PRKCE: variants seen among roughly 807,000 people sequenced by gnomAD.
PRKCE encodes the protein protein kinase C epsilon type.
In PRKCE, 16 loss-of-function variants were observed where a neutral mutation model predicts 85.4. That is an observed-to-expected ratio of 0.19 (90% CI 0.13 to 0.28). PRKCE has a LOEUF of 0.28. Among genes scored for constraint, PRKCE ranks in the 10% least tolerant of loss-of-function variants. The pLI is 1.00. For missense variants in PRKCE, 573 were observed against 975.2 expected, an observed-to-expected ratio of 0.59 and a Z score of 5.49; for synonymous variants, 388 against 371.5, an observed-to-expected ratio of 1.04 and a Z score of -0.51.
At chr2:46,062,255 C>T (rs1209624184) in intron 10 of PRKCE, among the ~76,000 whole-genome samples, 1 of 152,150 alleles carries the variant, frequency 6.6e-6, no homozygotes, top group Non-Finnish European at 1.5e-5. Flanking sequence ...TAGACATGTC[C>T]CCTACTCTTT....
At chr2:45,696,221 A>T (rs1042166188) in intron 1 of PRKCE, among the ~76,000 whole-genome samples, 1 of 151,778 alleles carries the variant, frequency 6.6e-6, no homozygotes, top group African/African-American at 2.4e-5. Context: ...CTCCCAAAGC[A>T]ATGGGCCTAT....
intron 2 of PRKCE, among the ~76,000 whole-genome samples, chr2:45,860,381 T>C (rs1470149717): frequency 6.6e-6 from 1 of 151,786 alleles, no homozygotes; most frequent in Non-Finnish European, 1.5e-5. Context: ...ATGGGTGGAG[T>C]CAGAGGAAGG....
chr2:45,782,405 C>G (rs572731141), intron 1 of PRKCE, among the ~76,000 whole-genome samples: 1 of 152,220 alleles, frequency 6.6e-6, no homozygotes, highest in East Asian at 1.9e-4. Context: ...TTAGTCACTT[C>G]GATTCTGATC....
At chr2:45,794,612 G>A (rs4952776) in intron 1 of PRKCE, among the ~76,000 whole-genome samples, 47,306 of 152,004 alleles carry the variant, frequency 0.31, 8,386 homozygotes, top group South Asian at 0.46. Flanking sequence ...CATGGATCTC[G>A]CCTGACAGCC....
At chr2:45,999,055 TTACAC>T (rs1704453959) in intron 6 of PRKCE, among the ~76,000 whole-genome samples, 1 of 152,188 alleles carries the variant, frequency 6.6e-6, no homozygotes, top group Non-Finnish European at 1.5e-5. Context: ...AATACTATAA[TTACAC>T]ATAATCAGCA....
chr2:45,719,950 A>G (rs1680476934), intron 1 of PRKCE, among the ~76,000 whole-genome samples: 1 of 152,218 alleles, frequency 6.6e-6, no homozygotes, highest in African/African-American at 2.4e-5. Context: ...CGACAACAAC[A>G]ACAAAATAAC....
Position 46,096,219 on chromosome 2 carries a change from G to T in PRKCE, c.1592+9857G>T, listed in dbSNP as rs116426421. 7.2e-3 allele frequency among the ~76,000 whole-genome samples: 1,095 copies of T among 152,338 alleles called. 14 individuals are homozygous for T. Among genetic ancestry groups the T allele is most frequent in the African/African-American group, 0.025 (1,029 of 41,566 alleles). The stretch of plus-strand genomic sequence containing the variant: ...AACTGTTTGAAATGCAGTTTTCTCA[G>T]TGTTCCATGGGAATTATAATGCAAA... On this transcript the variant is annotated intron_variant, in intron 11 of 14. Coordinates refer to ENST00000306156, the MANE Select transcript of PRKCE (RefSeq NM_005400.3).
At chr2:45,849,480 G>A (rs1407638513) in intron 2 of PRKCE, among the ~76,000 whole-genome samples, 7 of 152,036 alleles carry the variant, frequency 4.6e-5, no homozygotes, top group African/African-American at 1.7e-4. Flanking sequence ...ATACTCCCAC[G>A]CTTTCTCTTT....
chr2:45,755,786 G>T (rs884399), intron 1 of PRKCE, among the ~76,000 whole-genome samples: 43,027 of 152,070 alleles, frequency 0.28, 6,613 homozygotes, highest in East Asian at 0.39. Context: ...AAGGCTGCTG[G>T]GCTTAGTGAG....
At chr2:45,975,184 C>G (rs1253512272) in intron 2 of PRKCE, among the ~76,000 whole-genome samples, 1 of 152,162 alleles carries the variant, frequency 6.6e-6, no homozygotes, top group Admixed American at 6.5e-5. Context: ...CAGTACCCTT[C>G]AAGTGGAGTT....
At chr2:45,686,310 C>G (rs979506065) in intron 1 of PRKCE, 1 of 152,158 alleles carries the variant, frequency 6.6e-6, no homozygotes, top group African/African-American at 2.4e-5. Flanking sequence ...GAATACAGAG[C>G]TAACAAGATT....
At chr2:45,827,932 A>G (rs1304259217) in intron 1 of PRKCE, among the ~76,000 whole-genome samples, 1 of 152,182 alleles carries the variant, frequency 6.6e-6, no homozygotes, top group Non-Finnish European at 1.5e-5. Context: ...GAGCACCAGC[A>G]TTTTTCTTTT....
chr2:45,821,610 G>A (rs1689537810), intron 1 of PRKCE, among the ~76,000 whole-genome samples: 1 of 152,144 alleles, frequency 6.6e-6, no homozygotes, highest in African/African-American at 2.4e-5. Flanking sequence ...CCAGCATGAG[G>A]CTGATTTGGG....
rs539615977 is a variant in PRKCE at position 46,122,018 on chromosome 2, G to A, written c.1593-23075G>A. Among the ~76,000 whole-genome samples the A allele has an allele frequency of 8.6e-5, 13 of 150,986 alleles. No individual in the cohort carries two copies. In the South Asian group the frequency reaches 2.7e-3, roughly 32 times the overall value. On this transcript the variant is annotated intron_variant, in intron 11 of 14. Coordinates refer to ENST00000306156, the MANE Select transcript of PRKCE (RefSeq NM_005400.3). ...ATTGAGATATAATAGGCCTACAGTCGAGTGCACAGTTCTTAGATATTAATG... is the reference window on the plus strand; with the variant it reads ...ATTGAGATATAATAGGCCTACAGTCAAGTGCACAGTTCTTAGATATTAATG...
chr2:45,817,964 A>G (rs1024855315), intron 1 of PRKCE, among the ~76,000 whole-genome samples: 1 of 152,204 alleles, frequency 6.6e-6, no homozygotes, highest in East Asian at 1.9e-4. Flanking sequence ...GACCAGGCTC[A>G]GTCTCCCTGG....
At chr2:45,757,190 C>G (rs1278803935) in intron 1 of PRKCE, among the ~76,000 whole-genome samples, 143 of 151,658 alleles carry the variant, frequency 9.4e-4, no homozygotes, top group Non-Finnish European at 8.8e-5. Context: ...TGCCTGTAAT[C>G]CCAGCGACTT....
At chr2:46,176,697 A>G (rs1374848751) in intron 14 of PRKCE, among the ~76,000 whole-genome samples, 1 of 152,178 alleles carries the variant, frequency 6.6e-6, no homozygotes, top group East Asian at 1.9e-4. Flanking sequence ...GTTGCTTCTC[A>G]ATGAATTTCA....
At chr2:45,674,715 C>T (rs1198971560) in intron 1 of PRKCE, 1 of 152,186 alleles carries the variant, frequency 6.6e-6, no homozygotes, top group Non-Finnish European at 1.5e-5. Flanking sequence ...ACTCCAGCTT[C>T]TTTATGAAAG....
At chr2:45,858,091 A>G (rs1692822031) in intron 2 of PRKCE, among the ~76,000 whole-genome samples, 1 of 152,216 alleles carries the variant, frequency 6.6e-6, no homozygotes, top group Non-Finnish European at 1.5e-5. Flanking sequence ...TTGAGTCACC[A>G]GGGTCATTGG....
Sources: allele counts gnomAD v4.1 joint callset (sites outside exome capture counted in the v4.1 genomes callset), GRCh38; gene constraint gnomAD v4.1.1; transcripts MANE v1.5; gene names NCBI Gene and HGNC (gene_info 2026-07-23, HGNC 2026-07-21).